IFT22: variants seen among roughly 807,000 people sequenced by gnomAD.
IFT22 encodes intraflagellar transport protein 22 homolog.
In IFT22, 13 loss-of-function variants were observed where a neutral mutation model predicts 21.0. The ratio of observed to expected loss-of-function variants is 0.62; its 90% confidence interval spans 0.40 to 0.98. IFT22 has a LOEUF of 0.98. Among genes scored for constraint, IFT22 ranks in the 50% least tolerant of loss-of-function variants. The pLI, the probability that IFT22 is intolerant of heterozygous loss-of-function variation, is 0.00. For synonymous variants in IFT22, 67 were observed against 82.4 expected (o/e 0.81, Z 1.01); for missense variants, 227 against 228.9 (o/e 0.99, Z 0.06).
In IFT22 at chr7:101,316,221, C is replaced by A. The variant is rs551733244; in HGVS notation, c.409+119G>T. The A allele has an allele frequency of 2.8e-5, 26 of 931,844 alleles. No individual in the cohort carries two copies. In the East Asian group the frequency reaches 6.0e-4, roughly 22 times the overall value. The allele number at this position is 931,844 out of a possible 1,614,324, so 57.7% of individuals were successfully genotyped here. On this transcript the variant is annotated intron_variant, in intron 4 of 4. Transcript: ENST00000315322. ...CTCACATGGAGAGGGTAACAATTGC[C>A]TAGGGTACAGTAGGTGCTCAGTAAC...
At chr7:101,319,574 G>A (rs1419378826) in intron 1 of IFT22, among the ~76,000 whole-genome samples, 1 of 151,792 alleles carries the variant, frequency 6.6e-6, no homozygotes, top group African/African-American at 2.4e-5. Flanking sequence ...GGGGACTCGT[G>A]GCTAGCTGTC....
At position 101,321,469 on chromosome 7, in the gene IFT22, AC is replaced by A. The variant is rs1790346088; in HGVS notation, c.39+201del. Reference sequence around the variant, plus strand: ...CATTAACACCGGGCTCGCCTCCACTACCTCCTCCGGGCAGTGGTTGGAATCA... The same window carrying A: ...CATTAACACCGGGCTCGCCTCCACTACTCCTCCGGGCAGTGGTTGGAATCA... On this transcript the variant is annotated intron_variant, in intron 1 of 4. Coordinates refer to ENST00000315322, the MANE Select transcript of IFT22 (RefSeq NM_022777.4). 3 of 572,614 alleles carry A rather than the reference AC, an allele frequency of 5.2e-6. No individual in the cohort carries two copies. The South Asian group carries it at 6.6e-5, about 13-fold the overall frequency. The allele number at this position is 572,614 out of a possible 1,614,324, so 35.5% of individuals were successfully genotyped here. A position where few individuals can be genotyped will look rare whatever the true frequency, so the allele number is the denominator to read the frequency against.
rs934461106 is a variant in IFT22, at chr7:101,310,989, ATTTTT to A, written c.*4140_*4144del. The A allele has an allele frequency of 4.5e-4, 108 of 239,054 alleles. No individual in the cohort carries two copies. The highest frequency in any genetic ancestry group is 7.7e-4 in the South Asian group (20 of 26,142). The allele number at this position is 239,054 out of a possible 1,614,324, so 14.8% of individuals were successfully genotyped here. ...CAGGTGAACAAAATCTGCTGGGTTA[ATTTTT>A]TTTTTTTTTTTTTTTTTGAGATGGA... On this transcript the variant is annotated 3_prime_UTR_variant, in exon 5 of 5. Transcript: ENST00000315322.
At chr7:101,316,943 T>A (rs986688962) in intron 3 of IFT22, among the ~76,000 whole-genome samples, 3 of 151,528 alleles carry the variant, frequency 2.0e-5, no homozygotes, top group Admixed American at 1.3e-4. Context: ...AAAAAAATTT[T>A]AAAAAAAGTT....
At chr7:101,321,145 AAAAAC>A (rs376312687) in intron 1 of IFT22, among the ~76,000 whole-genome samples, 2 of 152,012 alleles carry the variant, frequency 1.3e-5, no homozygotes, top group Admixed American at 6.5e-5. Context: ...TCTGTCTCAA[AAAAAC>A]AAAACAAAAC....
Position 101,313,747 on chromosome 7 carries a change from C to T in IFT22, c.*1387G>A, listed in dbSNP as rs952025877. 6.6e-6 allele frequency: 1 copy of T among 152,214 alleles called. No individual in the cohort carries two copies. The highest frequency in any genetic ancestry group is 2.4e-5 in the African/African-American group (1 of 41,454). The allele number at this position is 152,214 out of a possible 1,614,324, so 9.4% of individuals were successfully genotyped here. On this transcript the variant is annotated 3_prime_UTR_variant, in exon 5 of 5. Coordinates refer to ENST00000315322, the MANE Select transcript of IFT22 (RefSeq NM_022777.4). ...GTAGGCAAATTCTCAAATACAAAAT[C>T]TATGAATAAGGATCAAGTATACGTT...
intron 4 of IFT22, 30 bp from the exon 5 acceptor site, chr7:101,315,312 A>G: frequency 6.2e-7 from 1 of 1,613,574 alleles, no homozygotes; most frequent in Non-Finnish European, 8.5e-7. Context: ...TTAATTAGGC[A>G]AAGAGTTTCC....
At position 101,310,985 on chromosome 7, in the gene IFT22, G is replaced by GT; in HGVS notation, c.*4148dup. On this transcript the variant is annotated 3_prime_UTR_variant, in exon 5 of 5. Transcript: ENST00000315322. ...CATTCAGGTGAACAAAATCTGCTGG[G>GT]TTAATTTTTTTTTTTTTTTTTTTTT... 3.6e-6 allele frequency: 1 copy of GT among 279,940 alleles called. No homozygotes were observed. Among genetic ancestry groups the GT allele is most frequent in the Non-Finnish European group, 7.1e-6 (1 of 140,834 alleles). 17.3% of individuals were successfully genotyped at this position (279,940 alleles called of 1,614,324 possible).
At position 101,318,193 on chromosome 7, in the gene IFT22, G is replaced by A. The variant is rs761582215; in HGVS notation, c.137C>T (p.Pro46Leu). The A allele has an allele frequency of 6.8e-6, 11 of 1,613,246 alleles. No individual in the cohort carries two copies. Among genetic ancestry groups the A allele is most frequent in the South Asian group, 3.3e-5 (3 of 91,076 alleles). Reference sequence around the variant, plus strand: ...GCCTTTGTTGTTGCTGGTAACATGCGGGTTCTCAAATTCTAGGATCCTAAA... The same window carrying A: ...GCCTTTGTTGTTGCTGGTAACATGCAGGTTCTCAAATTCTAGGATCCTAAA... The part of the protein sequence containing the change: ...QGVRILEFEN[P>L]HVTSNNKGTG... The change falls in exon 3 of 5, where the codon CCG becomes CTG. Residue 46 changes from proline (P) to leucine (L), a missense_variant. Transcript: ENST00000315322.
intron 1 of IFT22, 35 bp downstream of exon 1, chr7:101,321,636 C>T: frequency 1.3e-6 from 2 of 1,578,904 alleles, no homozygotes; most frequent in Non-Finnish European, 8.6e-7. Context: ...GAGGCCTGCT[C>T]CCCGCTCCCT....
At chr7:101,319,915 C>T (rs936446979) in intron 1 of IFT22, among the ~76,000 whole-genome samples, 5 of 150,886 alleles carry the variant, frequency 3.3e-5, no homozygotes, top group African/African-American at 1.2e-4. Context: ...AAAGTGCTGG[C>T]AGGTGTTAGC....
intron 4 of IFT22, chr7:101,316,116 A>C (rs1221662668): frequency 2.0e-6 from 1 of 509,032 alleles, no homozygotes; most frequent in Non-Finnish European, 3.5e-6. Flanking sequence ...CTCCTGCCTT[A>C]GCCCCCTGAG....
chr7:101,315,737 C>T (rs1190704648), intron 4 of IFT22: 3 of 195,116 alleles, frequency 1.5e-5, no homozygotes, highest in Non-Finnish European at 3.1e-5. Context: ...GTTGTCCAGG[C>T]TGGAGTGCAA....
Position 101,315,075 on chromosome 7 carries a change from T to C in IFT22, c.*59A>G. On this transcript the variant is annotated 3_prime_UTR_variant, in exon 5 of 5. Coordinates refer to ENST00000315322, the MANE Select transcript of IFT22 (RefSeq NM_022777.4). Reference sequence around the variant, plus strand: ...ATCAGGAGCTGGATGTGATTTCAGATCTGCACCGAGAAACATGCTGATTTC... The same window carrying C: ...ATCAGGAGCTGGATGTGATTTCAGACCTGCACCGAGAAACATGCTGATTTC... 6.4e-7 allele frequency: 1 copy of C among 1,567,064 alleles called. No individual in the cohort carries two copies. The highest frequency in any genetic ancestry group is 8.7e-7 in the Non-Finnish European group (1 of 1,151,390).
In IFT22 at chr7:101,316,711, C is replaced by T. The variant is rs1790167102; in HGVS notation, c.207-169G>A. ...AGGCCGAGGCGGGCGATCACGAGGT[C>T]AGGAGATCGAGACAATCCTGGCTAA... is the stretch of plus-strand genomic sequence containing the variant. On this transcript the variant is annotated intron_variant, in intron 3 of 4. Coordinates refer to ENST00000315322, the MANE Select transcript of IFT22 (RefSeq NM_022777.4). Among the ~76,000 whole-genome samples the T allele has an allele frequency of 2.0e-5, 3 of 152,204 alleles. 1 individual carries two copies. The highest frequency in any genetic ancestry group is 2.0e-4 in the Admixed American group (3 of 15,262).
Position 101,315,091 on chromosome 7 carries a change from T to C in IFT22, c.*43A>G, listed in dbSNP as rs751759622. 28 of 1,595,118 alleles carry C rather than the reference T, an allele frequency of 1.8e-5. No homozygotes were observed. The highest frequency in any genetic ancestry group is 2.4e-5 in the Non-Finnish European group (28 of 1,169,840). On this transcript the variant is annotated 3_prime_UTR_variant, in exon 5 of 5. Transcript: ENST00000315322. ...GATTTCAGATCTGCACCGAGAAACA[T>C]GCTGATTTCACTGGGGATGTGGCAG... is the stretch of plus-strand genomic sequence containing the variant.
In IFT22 at chr7:101,316,433, A is replaced by C. The variant is rs1790153406; in HGVS notation, c.316T>G (p.Phe106Val). The change falls in exon 4 of 5, where the codon TTT becomes GTT. Residue 106 changes from phenylalanine to valine, a missense_variant. Phe to Val is a conservative substitution (Grantham distance 50). Coordinates refer to ENST00000315322, the MANE Select transcript of IFT22 (RefSeq NM_022777.4). The part of the protein sequence containing the change: ...RKEMEMWYSC[F>V]VQQPSLQDTQ... ...TCCTGTAAGGACGGCTGTTGGACAA[A>C]GCAGGAATACCACATCTCCATTTCC... is the stretch of plus-strand genomic sequence containing the variant. 2 of 1,614,156 alleles carry C rather than the reference A, an allele frequency of 1.2e-6. No homozygotes were observed. The highest frequency in any genetic ancestry group is 1.7e-6 in the Non-Finnish European group (2 of 1,180,034).
rs1241521217 is a variant in IFT22 at position 101,314,561 on chromosome 7, A to G, written c.*573T>C. The G allele has an allele frequency of 2.0e-5, 3 of 152,244 alleles. No individual in the cohort carries two copies. Among genetic ancestry groups the G allele is most frequent in the Non-Finnish European group, 4.4e-5 (3 of 68,084 alleles). The allele number at this position is 152,244 out of a possible 1,614,324, so 9.4% of individuals were successfully genotyped here. ...GGCCTATTAGGTTGGTGCAAAAGTA[A>G]TAGTGGCTTTTGCCATTAAAAATTA... On this transcript the variant is annotated 3_prime_UTR_variant, in exon 5 of 5. Transcript: ENST00000315322.
At position 101,311,575 on chromosome 7, in the gene IFT22, A is replaced by G. The variant is rs138342800; in HGVS notation, c.*3559T>C. ...TCACTGTGAAAGTGACAGACACCCTAGCATTTTTATTCATCTCCCTTAGGT... is the reference window on the plus strand; with the variant it reads ...TCACTGTGAAAGTGACAGACACCCTGGCATTTTTATTCATCTCCCTTAGGT... On this transcript the variant is annotated 3_prime_UTR_variant, in exon 5 of 5. Coordinates refer to ENST00000315322, the MANE Select transcript of IFT22 (RefSeq NM_022777.4). Among the ~76,000 whole-genome samples the G allele has an allele frequency of 0.014, 2,174 of 152,334 alleles. 28 individuals carry two copies. The highest frequency in any genetic ancestry group is 0.02 in the Middle Eastern group (6 of 294).
Sources: allele counts gnomAD v4.1 joint callset (sites outside exome capture counted in the v4.1 genomes callset), GRCh38; gene constraint gnomAD v4.1.1; transcripts MANE v1.5; gene names NCBI Gene and HGNC (gene_info 2026-07-23, HGNC 2026-07-21).